Variants in EYS observed in about 807,000 individuals in gnomAD.
EYS encodes protein eyes shut homolog.
Under a neutral mutation model 282.1 loss-of-function variants are expected in EYS, and 250 were observed. The observed-to-expected ratio is 0.89, with a 90% CI of 0.80 to 0.98. EYS has a LOEUF of 0.98. Among genes scored for constraint, EYS ranks in the 50% least tolerant of loss-of-function variants. EYS has a pLI of 0.00. For synonymous variants in EYS, 1,355 were observed against 1,282.9 expected (o/e 1.06, Z -1.20); for missense variants, 4,016 against 3,709.0 (o/e 1.08, Z -2.15).
chr6:64,574,731 T>C (rs989178842), intron 26 of EYS, among the ~76,000 whole-genome samples: 1 of 152,220 alleles, frequency 6.6e-6, no homozygotes, highest in Non-Finnish European at 1.5e-5. Flanking sequence ...GCATAATTCC[T>C]GTGGGGTTAA....
intron 30 of EYS, among the ~76,000 whole-genome samples, chr6:64,250,992 A>T (rs1164052987): frequency 6.6e-6 from 1 of 152,122 alleles, no homozygotes; most frequent in Non-Finnish European, 1.5e-5. Context: ...GCTCTGAGGG[A>T]AAGGACAGTT....
In EYS at chr6:63,720,970, C is replaced by G. The variant is rs569561277; in HGVS notation, c.9061G>C (p.Ala3021Pro). 32 of 1,551,222 alleles carry G rather than the reference C, an allele frequency of 2.1e-5. No homozygotes were observed. The highest frequency in any genetic ancestry group is 2.7e-5 in the Non-Finnish European group (31 of 1,146,796). Reference protein sequence around the residue: ...IGLHNQTLKIAVNLGERISVP... With the variant: ...IGLHNQTLKIPVNLGERISVP... ...GAGATTCTTTCTCCCAAGTTAACTG[C>G]TATTTTCAAGGTCTGATTATGGAGA... The change falls in exon 43 of 43, where the codon GCA (alanine) becomes CCA (proline). Residue 3021 changes from alanine (A) to proline (P), a missense_variant. Coordinates refer to ENST00000503581, the MANE Select transcript of EYS (RefSeq NM_001142800.2).
intron 2 of EYS, among the ~76,000 whole-genome samples, chr6:65,621,013 A>G (rs1363728079): frequency 6.6e-6 from 1 of 152,150 alleles, no homozygotes; most frequent in Admixed American, 6.6e-5. Context: ...GTGGTGCTGA[A>G]AAAAATGTAT....
chr6:65,034,808 C>T (rs914020678), intron 13 of EYS, among the ~76,000 whole-genome samples: 1 of 152,072 alleles, frequency 6.6e-6, no homozygotes, highest in African/African-American at 2.4e-5. Flanking sequence ...ACAATTCCTA[C>T]TGAAACTATT....
At chr6:63,868,194 A>G (rs1167068102) in intron 35 of EYS, among the ~76,000 whole-genome samples, 1 of 152,118 alleles carries the variant, frequency 6.6e-6, no homozygotes, top group East Asian at 1.9e-4. Context: ...AAAAAATACC[A>G]CCTATCTAAG....
rs191565687 is a variant in EYS, at chr6:65,168,640, G to A, written c.2024-110913C>T. Among the ~76,000 whole-genome samples, 26 of 151,218 alleles carry A rather than the reference G, an allele frequency of 1.7e-4. No individual in the cohort carries two copies. In the East Asian group the frequency reaches 5.1e-3, roughly 30 times the overall value. On this transcript the variant is annotated intron_variant, in intron 12 of 42. Coordinates refer to ENST00000503581, the MANE Select transcript of EYS (RefSeq NM_001142800.2). Reference sequence around the variant, plus strand: ...TCCAATACCATCATCTTGGGGGTTAGGATTTCAACACAGAAATGTAGAGGG... The same window carrying A: ...TCCAATACCATCATCTTGGGGGTTAAGATTTCAACACAGAAATGTAGAGGG...
chr6:63,836,809 A>T (rs899247488), intron 36 of EYS, among the ~76,000 whole-genome samples: 8 of 152,236 alleles, frequency 5.3e-5, no homozygotes, highest in African/African-American at 1.9e-4. Context: ...TAGCACACTC[A>T]TTAATGCAAT....
intron 12 of EYS, among the ~76,000 whole-genome samples, chr6:65,270,886 T>C (rs543323616): frequency 1.3e-5 from 2 of 151,834 alleles, no homozygotes; most frequent in East Asian, 3.9e-4. Flanking sequence ...ATGATTTATG[T>C]ATTATTTAAG....
chr6:64,215,196 G>A lies in EYS; in HGVS notation c.6424+15396C>T, dbSNP rs79681052. 6.0e-3 allele frequency among the ~76,000 whole-genome samples: 906 copies of A among 152,002 alleles called. 11 individuals are homozygous for A. Among genetic ancestry groups the A allele is most frequent in the African/African-American group, 0.02 (847 of 41,508 alleles). On this transcript the variant is annotated intron_variant, in intron 31 of 42. Coordinates refer to ENST00000503581, the MANE Select transcript of EYS (RefSeq NM_001142800.2). Reference sequence around the variant, plus strand: ...TGAAGGATTGTTTTCAATTTATTCAGGACAAGAAATTCTAGCAAAGTTTCA... The same window carrying A: ...TGAAGGATTGTTTTCAATTTATTCAAGACAAGAAATTCTAGCAAAGTTTCA...
At chr6:65,318,119 G>A (rs554494282) in intron 11 of EYS, among the ~76,000 whole-genome samples, 265 of 150,820 alleles carry the variant, frequency 1.8e-3, no homozygotes, top group African/African-American at 6.3e-3. Flanking sequence ...CGCCCACCTC[G>A]GCCTCCCAAA....
intron 12 of EYS, among the ~76,000 whole-genome samples, chr6:65,157,363 A>T (rs1176353565): frequency 1.3e-5 from 2 of 150,868 alleles, no homozygotes; most frequent in Non-Finnish European, 3.0e-5. Context: ...ATCTCTAATC[A>T]AATCTATAGA....
intron 35 of EYS, among the ~76,000 whole-genome samples, chr6:63,868,897 T>A (rs1224477338): frequency 6.6e-6 from 1 of 152,216 alleles, no homozygotes; most frequent in Non-Finnish European, 1.5e-5. Context: ...CTTTGTCTGT[T>A]TCTAGGACAG....
intron 26 of EYS, among the ~76,000 whole-genome samples, chr6:64,514,654 T>C (rs1004598615): frequency 6.6e-5 from 10 of 151,858 alleles, no homozygotes; most frequent in Admixed American, 5.9e-4. Flanking sequence ...CTGGGTATTC[T>C]TGAAAAAAAC....
chr6:64,833,689 G>C (rs1175820209), intron 19 of EYS, among the ~76,000 whole-genome samples: 1 of 151,826 alleles, frequency 6.6e-6, no homozygotes, highest in Non-Finnish European at 1.5e-5. Flanking sequence ...GTAACAATTA[G>C]AAATGAATGA....
intron 22 of EYS, among the ~76,000 whole-genome samples, chr6:64,715,737 C>A (rs980930251): frequency 3.9e-5 from 6 of 152,236 alleles, no homozygotes; most frequent in African/African-American, 1.2e-4. Flanking sequence ...CCAATGCTCA[C>A]TCATTGCCCT....
At position 64,261,119 on chromosome 6, in the gene EYS, T is replaced by C. The variant is rs1044441293; in HGVS notation, c.6192-30295A>G. On this transcript the variant is annotated intron_variant, in intron 30 of 42. Transcript: ENST00000503581. ...CTATTGTACACCAAATACTAGATCA[T>C]ACTCATTTTAACTGCATTTTTGTTC... is the stretch of plus-strand genomic sequence containing the variant. Among the ~76,000 whole-genome samples, 26 of 152,060 alleles carry C rather than the reference T, an allele frequency of 1.7e-4. 1 individual carries two copies. The highest frequency in any genetic ancestry group is 1.5e-5 in the Non-Finnish European group (1 of 67,986).
Position 65,295,919 on chromosome 6 carries a change from G to A in EYS, c.1967C>T (p.Thr656Ile), listed in dbSNP as rs1257203855. ...ATATCCCCTTAAATGTGTACTAGTT[G>A]TTCCATTTTTGCAGGACGCAGATTT... is the stretch of plus-strand genomic sequence containing the variant. The part of the protein sequence containing the change: ...DCKSASCKNG[T>I]TSTHLRGYFF... Residue 656 changes from threonine (T) to isoleucine (I), a missense_variant, in exon 12 of 43, where the codon ACA becomes ATA. Transcript: ENST00000503581. 1.3e-6 allele frequency: 2 copies of A among 1,550,452 alleles called. No individual in the cohort carries two copies. The highest frequency in any genetic ancestry group is 1.7e-6 in the Non-Finnish European group (2 of 1,146,332).
At chr6:65,640,960 T>C (rs913788667) in intron 1 of EYS, among the ~76,000 whole-genome samples, 2 of 152,182 alleles carry the variant, frequency 1.3e-5, no homozygotes, top group African/African-American at 4.8e-5. Flanking sequence ...AGGACTTCTG[T>C]TGAAATAATG....
intron 22 of EYS, among the ~76,000 whole-genome samples, chr6:64,788,870 T>C (rs575359821): frequency 6.6e-6 from 1 of 152,344 alleles, no homozygotes; most frequent in African/African-American, 2.4e-5. Flanking sequence ...TAATAAATAT[T>C]TTAATAGTTA....
Sources: gnomAD v4.1 joint callset for allele counts (sites outside exome capture counted in the v4.1 genomes callset) on GRCh38, gnomAD v4.1.1 for gene constraint, MANE v1.5 for transcripts, NCBI Gene and HGNC (gene_info 2026-07-23, HGNC 2026-07-21) for gene names.